The following CAST variants were observed in gnomAD, a reference collection of about 807,000 sequenced individuals.
CAST encodes calpastatin.
CAST carries 76 observed loss-of-function variants against 119.6 expected under a neutral mutation model. The ratio of observed to expected loss-of-function variants is 0.64; its 90% CI spans 0.53 to 0.77. The LOEUF is 0.77. Among genes scored for constraint, CAST ranks in the 30% least tolerant of loss-of-function variants. The probability of loss-of-function intolerance (pLI) is 0.00; values close to 1 mark genes in which losing one functional copy is unlikely to be tolerated. For synonymous variants in CAST, 319 were observed against 331.6 expected, an observed-to-expected ratio of 0.96 and a Z score of 0.41; for missense variants, 953 against 946.5, an observed-to-expected ratio of 1.01 and a Z score of -0.09.
intron 1 of CAST, among the ~76,000 whole-genome samples, chr5:96,631,871 A>G (rs1747824026): frequency 6.6e-6 from 1 of 152,056 alleles, no homozygotes; most frequent in South Asian, 2.1e-4. Flanking sequence ...TAGGAGTGGA[A>G]TTGCCGGGTC....
At chr5:96,014,718 G>A in the CAST span, among the ~76,000 whole-genome samples, 2 of 152,148 alleles carry the variant, frequency 1.3e-5, no homozygotes, top group Non-Finnish European at 2.9e-5. Flanking sequence ...TATGCAAGTA[G>A]GATAAACTCC....
upstream of CAST, among the ~76,000 whole-genome samples, chr5:96,520,675 G>GT: frequency 6.6e-6 from 1 of 152,202 alleles, no homozygotes; most frequent in South Asian, 2.1e-4. Flanking sequence ...TTAGATTCTG[G>GT]TTTTTCCCCC....
the CAST span, among the ~76,000 whole-genome samples, chr5:96,057,881 G>A: frequency 2.0e-5 from 3 of 152,054 alleles, no homozygotes; most frequent in East Asian, 5.8e-4. Flanking sequence ...TTTCATTGTG[G>A]CAAGAGCATT....
the CAST span, among the ~76,000 whole-genome samples, chr5:96,267,531 T>G: frequency 6.6e-6 from 1 of 152,152 alleles, no homozygotes; most frequent in Admixed American, 6.5e-5. Context: ...ATTTTCAAAG[T>G]GCTGAAAGAA....
the CAST span, among the ~76,000 whole-genome samples, chr5:96,230,996 G>T: frequency 6.6e-6 from 1 of 152,086 alleles, no homozygotes; most frequent in Non-Finnish European, 1.5e-5. Context: ...AGTGCTGAAA[G>T]GATGTAGAAA....
intron 1 of CAST, among the ~76,000 whole-genome samples, chr5:96,588,912 C>T (rs937788854): frequency 6.6e-6 from 1 of 152,180 alleles, no homozygotes; most frequent in Non-Finnish European, 1.5e-5. Context: ...TATATTGGTA[C>T]TGGAATTCTG....
the CAST span, among the ~76,000 whole-genome samples, chr5:95,987,761 A>G: frequency 8.2e-4 from 125 of 152,326 alleles, 1 homozygote; most frequent in African/African-American, 2.9e-3. Flanking sequence ...ATGAATTGTA[A>G]TTGAGATGGG....
the CAST span, among the ~76,000 whole-genome samples, chr5:96,185,383 T>C: frequency 6.6e-6 from 1 of 152,248 alleles, no homozygotes; most frequent in Admixed American, 6.5e-5. Context: ...TTTGCTTTTG[T>C]TGCAATTGCT....
the CAST span, among the ~76,000 whole-genome samples, chr5:96,129,522 T>C: frequency 6.6e-6 from 1 of 152,070 alleles, no homozygotes; most frequent in African/African-American, 2.4e-5. Context: ...GACAGACACT[T>C]CTCATCAGGA....
chr5:96,594,900 G>T (rs2150192577), intron 1 of CAST, among the ~76,000 whole-genome samples: 1 of 152,284 alleles, frequency 6.6e-6, no homozygotes, highest in Non-Finnish European at 1.5e-5. Flanking sequence ...GGCAATTGCA[G>T]TTAAGTTTAA....
the CAST span, among the ~76,000 whole-genome samples, chr5:96,115,749 A>T: frequency 6.6e-6 from 1 of 152,144 alleles, no homozygotes; most frequent in East Asian, 1.9e-4. Context: ...GGTGTGTCTT[A>T]TTGACCTAAA....
At chr5:96,354,685 T>C in the CAST span, among the ~76,000 whole-genome samples, 1 of 149,068 alleles carries the variant, frequency 6.7e-6, no homozygotes, top group African/African-American at 2.4e-5. Flanking sequence ...ATTATGTATA[T>C]TATATATAAT....
At chr5:96,474,721 C>T in the CAST span, among the ~76,000 whole-genome samples, 1 of 152,066 alleles carries the variant, frequency 6.6e-6, no homozygotes, top group African/African-American at 2.4e-5. Context: ...GAGTAAACAG[C>T]CTTCTGGACA....
At chr5:96,620,287 TC>T (rs1168269850) in intron 1 of CAST, among the ~76,000 whole-genome samples, 5 of 143,640 alleles carry the variant, frequency 3.5e-5, no homozygotes, top group Middle Eastern at 3.5e-3. Flanking sequence ...CAGTTCTTTT[TC>T]TTTTTTTTTT....
chr5:96,460,890 A>G, the CAST span, among the ~76,000 whole-genome samples: 6 of 152,156 alleles, frequency 3.9e-5, no homozygotes, highest in South Asian at 2.1e-4. Flanking sequence ...TAAGTCACAT[A>G]CTATAAAATT....
the CAST span, chr5:96,432,109 A>C: frequency 3.3e-6 from 5 of 1,535,304 alleles, no homozygotes; most frequent in African/African-American, 2.7e-5. Flanking sequence ...AAAGAAATAG[A>C]TCCCTTCCCC....
At chr5:96,763,101 G>A in intron 25 of CAST, 1 of 776,808 alleles carries the variant, frequency 1.3e-6, no homozygotes, top group Non-Finnish European at 2.4e-6. Context: ...TTTGCTAGAT[G>A]GAGATGAAGT....
intron 22 of CAST, among the ~76,000 whole-genome samples, chr5:96,755,624 G>A (rs929960121): frequency 1.3e-5 from 2 of 152,176 alleles, no homozygotes; most frequent in African/African-American, 2.4e-5. Flanking sequence ...ATTTGAAAGA[G>A]TATTCAACTA....
At chr5:95,989,617 T>G in the CAST span, among the ~76,000 whole-genome samples, 1 of 152,220 alleles carries the variant, frequency 6.6e-6, no homozygotes, top group Non-Finnish European at 1.5e-5. Context: ...AAGAACACTC[T>G]ATTAACCTTA....
Sources: allele counts gnomAD v4.1 joint callset (sites outside exome capture counted in the v4.1 genomes callset), GRCh38; gene constraint gnomAD v4.1.1; transcripts MANE v1.5; gene names NCBI Gene and HGNC (gene_info 2026-07-23, HGNC 2026-07-21).